Variants in ZNF699 observed in about 807,000 individuals in gnomAD.
ZNF699 encodes zinc finger protein 699, also known as hangover homolog.
ZNF699 carries 18 observed loss-of-function variants against 22.5 expected under a neutral mutation model. That is an observed-to-expected ratio of 0.80 (90% confidence interval 0.55 to 1.19). ZNF699 has a LOEUF of 1.19. Ranked by LOEUF, ZNF699 falls within the 50% of genes most tolerant of loss-of-function variation. The probability of loss-of-function intolerance (pLI) is 0.00; values close to 1 mark genes in which losing one functional copy is unlikely to be tolerated. For missense variants in ZNF699, 670 were observed against 763.4 expected (o/e 0.88, Z 1.44); for synonymous variants, 241 against 262.3 (o/e 0.92, Z 0.78).
At position 9,293,143 on chromosome 19, in the gene ZNF699, A is replaced by T. The variant is rs534201527; in HGVS notation, c.*2332T>A. Reference sequence around the variant, plus strand: ...GAGTCCGTCTCAAAAAAAAAAAAAAAGAAAAGAAATCATAAATGGATGAAA... The same window carrying T: ...GAGTCCGTCTCAAAAAAAAAAAAAATGAAAAGAAATCATAAATGGATGAAA... On this transcript the variant is annotated 3_prime_UTR_variant, in exon 6 of 6. Coordinates refer to ENST00000591998, the MANE Select transcript of ZNF699 (RefSeq NM_198535.3). Among the ~76,000 whole-genome samples the T allele has an allele frequency of 2.0e-5, 3 of 151,698 alleles. No individual in the cohort carries two copies. The East Asian group carries it at 5.8e-4, about 29-fold the overall frequency.
intron 3 of ZNF699, among the ~76,000 whole-genome samples, chr19:9,301,154 A>G (rs943600700): frequency 2.0e-5 from 3 of 151,856 alleles, no homozygotes; most frequent in Non-Finnish European, 4.4e-5. Context: ...AGAGAGAGAG[A>G]GAGAGAGAAG....
At chr19:9,308,003 A>T (rs1444276864) in intron 1 of ZNF699, among the ~76,000 whole-genome samples, 2 of 152,146 alleles carry the variant, frequency 1.3e-5, no homozygotes, top group Non-Finnish European at 2.9e-5. Context: ...ATAAAGTTGA[A>T]TAAAGACCAG....
intron 3 of ZNF699, among the ~76,000 whole-genome samples, chr19:9,299,329 T>C (rs1192731782): frequency 6.6e-6 from 1 of 152,094 alleles, no homozygotes; most frequent in African/African-American, 2.4e-5. Context: ...AGAGACGGGG[T>C]TACACCGTGT....
At chr19:9,304,297 C>G (rs76269247) in intron 2 of ZNF699, among the ~76,000 whole-genome samples, 2,159 of 152,192 alleles carry the variant, frequency 0.014, 30 homozygotes, top group African/African-American at 0.027. Flanking sequence ...TTTATTCCCA[C>G]CATAGCAATC....
rs2066292847 is a variant in ZNF699, at chr19:9,297,887, G to A, written c.279C>T (p.His93=). 1 of 1,612,458 alleles carries A rather than the reference G, an allele frequency of 6.2e-7. No individual in the cohort carries two copies. The highest frequency in any genetic ancestry group is 2.2e-5 in the East Asian group (1 of 44,800). ...ELIQGIFMGE[H]REGFETQLKT... ...TCTCCCAAGGGTTCTTGCCTTCCCGGTGCTCTCCCATAAAGATGCCCTGGA... is the reference window on the plus strand; with the variant it reads ...TCTCCCAAGGGTTCTTGCCTTCCCGATGCTCTCCCATAAAGATGCCCTGGA... Residue 93 remains histidine (H), a synonymous_variant, in exon 4 of 6, where the codon CAC becomes CAT. Transcript: ENST00000591998. The surrounding 1 kb of genome is among the most constrained non-coding windows in gnomAD (Gnocchi z 4.3).
intron 3 of ZNF699, among the ~76,000 whole-genome samples, chr19:9,301,962 G>A (rs1337021514): frequency 6.6e-6 from 1 of 151,394 alleles, no homozygotes; most frequent in Non-Finnish European, 1.5e-5. Context: ...GAGTGCAATG[G>A]AGCGATCTTG....
intron 1 of ZNF699, among the ~76,000 whole-genome samples, chr19:9,307,140 G>A (rs1192445686): frequency 6.6e-6 from 1 of 152,236 alleles, no homozygotes; most frequent in Non-Finnish European, 1.5e-5. Flanking sequence ...GGCAGAGGTT[G>A]CAGTAAGCCG....
intron 3 of ZNF699, among the ~76,000 whole-genome samples, chr19:9,302,056 C>A (rs2066309484): frequency 6.6e-6 from 1 of 152,070 alleles, no homozygotes; most frequent in Admixed American, 6.6e-5. Flanking sequence ...GCATGCACCA[C>A]CACGCCTGGC....
chr19:9,302,233 CTG>C (rs2066310173), intron 3 of ZNF699, 143 bp downstream of exon 3: 1 of 907,026 alleles, frequency 1.1e-6, no homozygotes, highest in Non-Finnish European at 1.7e-6. Context: ...AGCCACTAGA[CTG>C]TAAGTTCCTT....
intron 3 of ZNF699, among the ~76,000 whole-genome samples, chr19:9,299,845 T>C (rs920611090): frequency 2.1e-5 from 3 of 146,256 alleles, no homozygotes; most frequent in Non-Finnish European, 4.5e-5. Flanking sequence ...TTCAAAGAAC[T>C]CTTAAAACTC....
In ZNF699 at chr19:9,291,707, CT is replaced by C. The variant is rs35378116; in HGVS notation, c.*3767del. On this transcript the variant is annotated 3_prime_UTR_variant, in exon 6 of 6. Coordinates refer to ENST00000591998, the MANE Select transcript of ZNF699 (RefSeq NM_198535.3). ...TGCTCATTAAAGATTAAGCAGCAAT[CT>C]TTTTTTTTTTTTTTTTTTGACACGG... The C allele has an allele frequency of 5.1e-3, 671 of 131,308 alleles. 1 individual carries two copies. The highest frequency in any genetic ancestry group is 0.012 in the Middle Eastern group (3 of 250). The allele number at this position is 131,308 out of a possible 1,614,324, so 8.1% of individuals were successfully genotyped here.
chr19:9,305,184 C>A, intron 1 of ZNF699, 60 bp from the exon 2 acceptor site: 1 of 1,452,266 alleles, frequency 6.9e-7, no homozygotes, highest in Non-Finnish European at 9.6e-7. Flanking sequence ...CATGAGAATC[C>A]AGACCTCCCC....
chr19:9,295,849 T>C lies in ZNF699; in HGVS notation c.1555A>G (p.Thr519Ala). 1 of 1,614,138 alleles carries C rather than the reference T, an allele frequency of 6.2e-7. No individual in the cohort carries two copies. Among genetic ancestry groups the C allele is most frequent in the Non-Finnish European group, 8.5e-7 (1 of 1,180,012 alleles). Residue 519 changes from threonine to alanine, a missense_variant, in exon 6 of 6, where the codon ACA becomes GCA. Physicochemically the swap from Thr to Ala is moderately conservative, Grantham distance 58. Transcript: ENST00000591998. Reference sequence around the variant, plus strand: ...CCAGTGTGAGTTCTGATATGTACTGTAAGGTGGGAGGAACTAATAAAGGCT... The same window carrying C: ...CCAGTGTGAGTTCTGATATGTACTGCAAGGTGGGAGGAACTAATAAAGGCT... ...GKAFISSSHL[T>A]VHIRTHTGEK... is the part of the protein sequence containing the mutation.
intron 1 of ZNF699, among the ~76,000 whole-genome samples, chr19:9,307,831 G>C (rs114693083): frequency 0.018 from 2,776 of 151,632 alleles, 49 homozygotes; most frequent in African/African-American, 0.042. Context: ...GCCTGTAATC[G>C]CCACTACTTG....
Position 9,302,514 on chromosome 19 carries a change from A to G in ZNF699, c.49-10T>C, listed in dbSNP as rs745645570. The G allele has an allele frequency of 1.2e-6, 2 of 1,600,930 alleles. No individual in the cohort carries two copies. Among genetic ancestry groups the G allele is most frequent in the East Asian group, 4.5e-5 (2 of 44,620 alleles). On this transcript the variant is annotated splice_polypyrimidine_tract_variant and intron_variant, in intron 2 of 5. Transcript: ENST00000591998. ...CAAAGACTACTGAGTCCTAAAACAT[A>G]CCACAAATTCTGTTCAGAAAGGTAC...
rs749115647 is a variant in ZNF699 at position 9,302,377 on chromosome 19, C to T, written c.175+1G>A. 1 of 1,613,590 alleles carries T rather than the reference C, an allele frequency of 6.2e-7. No individual in the cohort carries two copies. Among genetic ancestry groups the T allele is most frequent in the South Asian group, 1.1e-5 (1 of 91,080 alleles). On this transcript the variant is annotated splice_donor_variant, in intron 3 of 5. Coordinates refer to ENST00000591998, the MANE Select transcript of ZNF699 (RefSeq NM_198535.3). LOFTEE classifies it high-confidence loss of function. ...ACATGAAAGAATCTTGCCATTCTTA[C>T]CTAGTGAGGCCAGGTTCTGGAAGTT... is the stretch of plus-strand genomic sequence containing the variant.
chr19:9,299,446 T>C (rs1213035947), intron 3 of ZNF699, among the ~76,000 whole-genome samples: 1 of 150,274 alleles, frequency 6.7e-6, no homozygotes, highest in African/African-American at 2.4e-5. Flanking sequence ...ACATTTTTAA[T>C]TTTTTTTTTA....
intron 3 of ZNF699, among the ~76,000 whole-genome samples, chr19:9,299,703 A>G (rs778619346): frequency 6.6e-6 from 1 of 152,212 alleles, no homozygotes; most frequent in Non-Finnish European, 1.5e-5. Context: ...CTGAAAGACA[A>G]TGTCAACAGA....
At chr19:9,305,266 T>C (rs8100157) in intron 1 of ZNF699, 142 bp from the exon 2 acceptor site, 8,870 of 583,518 alleles carry the variant, frequency 0.015, 477 homozygotes, top group African/African-American at 0.13. Context: ...TCAAAACACA[T>C]ACACACACAC....
Sources: gnomAD v4.1 joint callset for allele counts (sites outside exome capture counted in the v4.1 genomes callset) on GRCh38, gnomAD v4.1.1 for gene constraint, Gnocchi (gnomAD v3.1) non-coding constraint, MANE v1.5 for transcripts, NCBI Gene and HGNC (gene_info 2026-07-23, HGNC 2026-07-21) for gene names.